Variants in FZR1 observed in about 807,000 individuals in gnomAD.
FZR1 encodes the protein fizzy-related protein homolog.
Under a neutral mutation model 63.6 loss-of-function variants are expected in FZR1, and 11 were observed. The observed-to-expected ratio is 0.17, with a 90% CI of 0.11 to 0.29. FZR1 has a LOEUF of 0.29. Among genes scored for constraint, FZR1 ranks in the 10% least tolerant of loss-of-function variants. The pLI, the probability that FZR1 is intolerant of heterozygous loss-of-function variation, is 1.00. For missense variants in FZR1, 440 were observed against 687.5 expected (o/e 0.64, Z 4.03); for synonymous variants, 328 against 297.9 (o/e 1.10, Z -1.04).
rs45540037 is a variant in FZR1, at chr19:3,532,099, C to T, written c.1008+4C>T. 2.0e-6 allele frequency: 3 copies of T among 1,498,018 alleles called. No homozygotes were observed. Among genetic ancestry groups the T allele is most frequent in the African/African-American group, 1.4e-5 (1 of 71,700 alleles). The allele number at this position is 1,498,018 out of a possible 1,614,324, so 92.8% of individuals were successfully genotyped here. The stretch of plus-strand genomic sequence containing the variant: ...CTCGGGGGGCAACGACAACAAGGTA[C>T]CCCCGCCCAGAGCCTGGGCTTCCCC... On this transcript the variant is annotated splice_donor_region_variant and intron_variant, in intron 10 of 13. Coordinates refer to ENST00000441788, the MANE Select transcript of FZR1 (RefSeq NM_016263.4).
intron 7 of FZR1, among the ~76,000 whole-genome samples, chr19:3,529,574 G>A (rs1342773230): frequency 3.4e-4 from 50 of 147,168 alleles, no homozygotes; most frequent in African/African-American, 1.1e-3. Context: ...ATGGGAGAGC[G>A]GATGGGTGAG....
At chr19:3,532,787 G>A (rs996859060) in intron 11 of FZR1, 137 bp downstream of exon 11, 60 of 679,228 alleles carry the variant, frequency 8.8e-5, no homozygotes, top group African/African-American at 8.8e-4. Flanking sequence ...GAGGCCGAGC[G>A]GGGAGGCAGG....
At chr19:3,511,481 T>C (rs200088961) in intron 1 of FZR1, among the ~76,000 whole-genome samples, 1 of 152,134 alleles carries the variant, frequency 6.6e-6, no homozygotes, top group Non-Finnish European at 1.5e-5. Flanking sequence ...AGCAGGAGGA[T>C]TGCTTGAGCC....
intron 9 of FZR1, 22 bp from the exon 10 acceptor site, chr19:3,531,889 C>T (rs2083251316): frequency 6.3e-7 from 1 of 1,580,196 alleles, no homozygotes; most frequent in Non-Finnish European, 8.6e-7. Context: ...GAGGCTCACC[C>T]CCGCTTCCAC....
At position 3,517,816 on chromosome 19, in the gene FZR1, G is replaced by A. The variant is rs186449314; in HGVS notation, c.-34-5140G>A. 8.7e-4 allele frequency among the ~76,000 whole-genome samples: 132 copies of A among 151,934 alleles called. 1 individual carries two copies. Among genetic ancestry groups the A allele is most frequent in the South Asian group, 1.9e-3 (9 of 4,808 alleles). On this transcript the variant is annotated intron_variant, in intron 1 of 13. Transcript: ENST00000441788. Reference sequence around the variant, plus strand: ...TGTGTGAAACAAGATAAACAAAAAAGGGTCATCTGAAATGCTGTGATTTGT... The same window carrying A: ...TGTGTGAAACAAGATAAACAAAAAAAGGTCATCTGAAATGCTGTGATTTGT...
rs1324954535 is a variant in FZR1 at position 3,533,140 on chromosome 19, G to A, written c.1243-154G>A. On this transcript the variant is annotated intron_variant, in intron 11 of 13. Transcript: ENST00000441788. This position sits in a 1 kb window ranked among gnomAD's most constrained non-coding sequence, Gnocchi z 4.9. The stretch of plus-strand genomic sequence containing the variant: ...CTCCACACCTCCTAGACAGACTCAG[G>A]TGGCAGAGCCACATCCCAGCATCCC... Among the ~76,000 whole-genome samples the A allele has an allele frequency of 2.0e-5, 3 of 152,098 alleles. No homozygotes were observed. Among genetic ancestry groups the A allele is most frequent in the African/African-American group, 7.2e-5 (3 of 41,418 alleles).
At chr19:3,527,954 C>T (rs2083177755) in intron 7 of FZR1, 140 bp downstream of exon 7, 1 of 586,986 alleles carries the variant, frequency 1.7e-6, no homozygotes, top group Admixed American at 3.6e-5. Context: ...CTCCCAGCCT[C>T]CCAGCCACAG....
rs556552536 is a variant in FZR1, at chr19:3,514,894, G to C, written c.-34-8062G>C. Among the ~76,000 whole-genome samples the C allele has an allele frequency of 8.5e-5, 13 of 152,324 alleles. No individual in the cohort carries two copies. The highest frequency in any genetic ancestry group is 1.8e-4 in the Non-Finnish European group (12 of 68,018). Reference sequence around the variant, plus strand: ...GAAGCTCGAGACTGAAGGCTTGCCCGGGGCAGTGGCAGAAGGAGGCCTCCT... The same window carrying C: ...GAAGCTCGAGACTGAAGGCTTGCCCCGGGCAGTGGCAGAAGGAGGCCTCCT... On this transcript the variant is annotated intron_variant, in intron 1 of 13. Coordinates refer to ENST00000441788, the MANE Select transcript of FZR1 (RefSeq NM_016263.4). The surrounding 1 kb of genome is among the most constrained non-coding windows in gnomAD (Gnocchi z 4.2).
In FZR1 at chr19:3,538,310, T is replaced by G. The variant is rs2030071036; in HGVS notation, c.*3474T>G. Reference sequence around the variant, plus strand: ...TTTTGTTTTGTTTATTGTGGTAAAATACAAAATCTACCGTCTTACAGTGAG... The same window carrying G: ...TTTTGTTTTGTTTATTGTGGTAAAAGACAAAATCTACCGTCTTACAGTGAG... On this transcript the variant is annotated 3_prime_UTR_variant, in exon 14 of 14. Coordinates refer to ENST00000441788, the MANE Select transcript of FZR1 (RefSeq NM_016263.4). The G allele has an allele frequency of 5.9e-6, 1 of 170,106 alleles. No homozygotes were observed. The highest frequency in any genetic ancestry group is 2.4e-5 in the African/African-American group (1 of 41,676). The allele number at this position is 170,106 out of a possible 1,614,324, so 10.5% of individuals were successfully genotyped here.
intron 6 of FZR1, among the ~76,000 whole-genome samples, 199 bp downstream of exon 6, chr19:3,527,261 C>G (rs1351876842): frequency 6.6e-6 from 1 of 152,196 alleles, no homozygotes; most frequent in Non-Finnish European, 1.5e-5. Context: ...CCCCAGCCCC[C>G]CATGAGGCCA....
chr19:3,509,348 G>A (rs552370146), intron 1 of FZR1, among the ~76,000 whole-genome samples: 1 of 152,326 alleles, frequency 6.6e-6, no homozygotes, highest in East Asian at 1.9e-4. Context: ...CACTGACCAC[G>A]AATGACACAC....
chr19:3,531,860 C>T lies in FZR1; in HGVS notation c.823+44C>T, dbSNP rs768763486. The T allele has an allele frequency of 3.9e-6, 6 of 1,552,654 alleles. No individual in the cohort carries two copies. The African/African-American group carries it at 6.8e-5, about 18-fold the overall frequency. On this transcript the variant is annotated intron_variant, in intron 9 of 13. Coordinates refer to ENST00000441788, the MANE Select transcript of FZR1 (RefSeq NM_016263.4). ...ATGGCTGGTGAGCTCCCTGAGGCCCCAGCTCCGCGAGGGCAGGAGAGGCTC... is the reference window on the plus strand; with the variant it reads ...ATGGCTGGTGAGCTCCCTGAGGCCCTAGCTCCGCGAGGGCAGGAGAGGCTC...
intron 1 of FZR1, among the ~76,000 whole-genome samples, chr19:3,511,604 C>G (rs904724610): frequency 6.6e-6 from 1 of 152,134 alleles, no homozygotes; most frequent in Non-Finnish European, 1.5e-5. Flanking sequence ...AGCAGCTTGG[C>G]TCTGCTTTGC....
Position 3,527,688 on chromosome 19 carries a change from C to T in FZR1, c.528C>T (p.Phe176=). The T allele has an allele frequency of 6.2e-7, 1 of 1,612,306 alleles. No homozygotes were observed. Among genetic ancestry groups the T allele is most frequent in the Non-Finnish European group, 8.5e-7 (1 of 1,179,862 alleles). ...CCCGCAAGATCTCCAAGATCCCCTT[C>T]AAGGTGCTGGACGCGCCCGAGCTGC... is the stretch of plus-strand genomic sequence containing the variant. ...KPTRKISKIP[F]KVLDAPELQD... is the part of the protein sequence containing the mutation. Residue 176 remains phenylalanine, a synonymous_variant, in exon 7 of 14, where the codon TTC becomes TTT. Coordinates refer to ENST00000441788, the MANE Select transcript of FZR1 (RefSeq NM_016263.4).
intron 1 of FZR1, among the ~76,000 whole-genome samples, chr19:3,509,160 G>GC (rs11420798): frequency 0.057 from 8,757 of 152,318 alleles, 754 homozygotes; most frequent in African/African-American, 0.19. Context: ...CAGAGCCAGA[G>GC]CCCCTTCCTG....
At position 3,515,441 on chromosome 19, in the gene FZR1, T is replaced by G. The variant is rs1027157000; in HGVS notation, c.-34-7515T>G. ...GCCCATCTCTGACCGTGGTTTGTTT[T>G]TTTGAATACCTCACAGTTCACGTGA... On this transcript the variant is annotated intron_variant, in intron 1 of 13. Coordinates refer to ENST00000441788, the MANE Select transcript of FZR1 (RefSeq NM_016263.4). This position sits in a 1 kb window ranked among gnomAD's most constrained non-coding sequence, Gnocchi z 4.6. Among the ~76,000 whole-genome samples, 7 of 152,102 alleles carry G rather than the reference T, an allele frequency of 4.6e-5. No homozygotes were observed. The highest frequency in any genetic ancestry group is 1.7e-4 in the African/African-American group (7 of 41,370).
chr19:3,522,504 G>A (rs2083111873), intron 1 of FZR1, among the ~76,000 whole-genome samples: 1 of 152,210 alleles, frequency 6.6e-6, no homozygotes, highest in Admixed American at 6.5e-5. Flanking sequence ...CCACGTGGCC[G>A]GCCCGGGGCC....
rs57486013 is a variant in FZR1, at chr19:3,525,432, CTTTTTTTTTTTTTTTTTTT to C, written c.70-426_70-408del. On this transcript the variant is annotated intron_variant, in intron 2 of 13. Coordinates refer to ENST00000441788, the MANE Select transcript of FZR1 (RefSeq NM_016263.4). This position sits in a 1 kb window ranked among gnomAD's most constrained non-coding sequence, Gnocchi z 4.2. ...TGTGTGGCTCCCCTCCTTGGGTTTT[CTTTTTTTTTTTTTTTTTTT>C]TTTTTTTTTGAGACGGAGTCTCGCT... 1.5e-5 allele frequency among the ~76,000 whole-genome samples: 1 copy of C among 68,700 alleles called. No homozygotes were observed. Among genetic ancestry groups the C allele is most frequent in the Admixed American group, 2.0e-4 (1 of 5,124 alleles). The allele number at this position is 68,700 out of a possible 152,430, so 45.1% of individuals were successfully genotyped here.
chr19:3,530,013 G>GGTGAGTGGATGGGAGAGCAGATGT (rs2083223290), intron 7 of FZR1, among the ~76,000 whole-genome samples: 1 of 126,086 alleles, frequency 7.9e-6, no homozygotes, highest in African/African-American at 3.2e-5. Flanking sequence ...AGAGCAGATG[G>GGTGAGTGGATGGGAGAGCAGATGT]GTGAGTGGAT....
Sources: allele counts gnomAD v4.1 joint callset (sites outside exome capture counted in the v4.1 genomes callset), GRCh38; gene constraint gnomAD v4.1.1; non-coding constraint Gnocchi (gnomAD v3.1); transcripts MANE v1.5; gene names NCBI Gene and HGNC (gene_info 2026-07-23, HGNC 2026-07-21).